UTRN: variants seen among roughly 807,000 people sequenced by gnomAD.
UTRN encodes the protein utrophin.
A neutral mutation model predicts 463.9 loss-of-function variants in UTRN; 283 were observed. That is an observed-to-expected ratio of 0.61 (90% CI 0.55 to 0.67). The LOEUF is 0.67. Ranked by LOEUF, UTRN falls within the 30% of genes least tolerant of loss-of-function variation. UTRN has a pLI of 0.00. For synonymous variants in UTRN, 1,442 were observed against 1,431.5 expected (o/e 1.01, Z -0.17); for missense variants, 3,922 against 4,084.3 (o/e 0.96, Z 1.08).
At chr6:144,406,356 C>CTTTTTTTTTTTTTTT (rs57721924) in intron 3 of UTRN, among the ~76,000 whole-genome samples, 30 of 125,566 alleles carry the variant, frequency 2.4e-4, no homozygotes, top group East Asian at 4.3e-4. Flanking sequence ...TTTTTCTTTT[C>CTTTTTTTTTTTTTTT]TTTTTTTTTT....
At chr6:144,476,011 G>C (rs987309248) in intron 25 of UTRN, among the ~76,000 whole-genome samples, 1 of 151,642 alleles carries the variant, frequency 6.6e-6, no homozygotes, top group Non-Finnish European at 1.5e-5. Context: ...AGGGGATGGA[G>C]GTTGCAGTGA....
intron 37 of UTRN, 129 bp downstream of exon 37, chr6:144,514,949 G>A (rs1006774629): frequency 2.5e-5 from 26 of 1,049,866 alleles, no homozygotes; most frequent in Non-Finnish European, 3.3e-5. Context: ...CTCTGTCACC[G>A]AGGCTGGAGT....
At chr6:144,658,213 G>A (rs919424507) in intron 51 of UTRN, among the ~76,000 whole-genome samples, 6 of 152,120 alleles carry the variant, frequency 3.9e-5, no homozygotes, top group Admixed American at 6.6e-5. Flanking sequence ...AGCTCATAAA[G>A]CCATTTTGCC....
chr6:144,553,932 A>AAG (rs1799155119), intron 48 of UTRN, among the ~76,000 whole-genome samples: 1 of 151,828 alleles, frequency 6.6e-6, no homozygotes. Context: ...AAAAAAAAAA[A>AAG]AAGTTTCCTT....
Position 144,394,652 on chromosome 6 carries a change from C to T in UTRN, c.80-8471C>T, listed in dbSNP as rs139685128. ...TTTCCTACATTAGCTCTATAGAAAA[C>T]ATAGCATTCCTATATATGCATCTGG... On this transcript the variant is annotated intron_variant, in intron 2 of 74. Transcript: ENST00000367545. Among the ~76,000 whole-genome samples the T allele has an allele frequency of 4.6e-5, 7 of 152,248 alleles. No homozygotes were observed. The East Asian group carries it at 5.8e-4, about 13-fold the overall frequency.
intron 3 of UTRN, among the ~76,000 whole-genome samples, chr6:144,414,421 A>G (rs1219099758): frequency 6.6e-6 from 1 of 152,222 alleles, no homozygotes; most frequent in Non-Finnish European, 1.5e-5. Flanking sequence ...GGACAAAATG[A>G]AACAGAATAT....
rs375867302 is a variant in UTRN, at chr6:144,509,013, G to A, written c.4765-1931G>A. Reference sequence around the variant, plus strand: ...CAGTTAATGGGTTCCCTCTCTTTATGCTTCATTTTTGGTATATATCTTATA... The same window carrying A: ...CAGTTAATGGGTTCCCTCTCTTTATACTTCATTTTTGGTATATATCTTATA... On this transcript the variant is annotated intron_variant, in intron 34 of 74. Transcript: ENST00000367545. Among the ~76,000 whole-genome samples the A allele has an allele frequency of 9.9e-5, 15 of 152,006 alleles. No individual in the cohort carries two copies. The East Asian group carries it at 2.9e-3, about 29-fold the overall frequency.
chr6:144,399,539 A>G (rs531247231), intron 2 of UTRN, among the ~76,000 whole-genome samples: 1 of 152,324 alleles, frequency 6.6e-6, no homozygotes, highest in East Asian at 1.9e-4. Flanking sequence ...CTAAAGGTCT[A>G]GGTGCTACTT....
At chr6:144,747,529 G>A (rs1790895021) in intron 54 of UTRN, among the ~76,000 whole-genome samples, 1 of 152,104 alleles carries the variant, frequency 6.6e-6, no homozygotes, top group Non-Finnish European at 1.5e-5. Flanking sequence ...CCTCTGGACT[G>A]TTCCAGCCCA....
At chr6:144,790,072 T>C (rs1437791735) in intron 62 of UTRN, among the ~76,000 whole-genome samples, 1 of 152,142 alleles carries the variant, frequency 6.6e-6, no homozygotes, top group Non-Finnish European at 1.5e-5. Flanking sequence ...GCAAATTTTC[T>C]TCAACTGAAA....
rs1447949690 is a variant in UTRN at position 144,352,448 on chromosome 6, GA to G, written c.80-50674del. ...AAATTTCATAGTGATGGTATTTAAA[GA>G]GGGAGGTTATGGACATTTTGCAAGT... On this transcript the variant is annotated intron_variant, in intron 2 of 74. Transcript: ENST00000367545. 4.6e-5 allele frequency among the ~76,000 whole-genome samples: 7 copies of G among 152,296 alleles called. No homozygotes were observed. The East Asian group carries it at 1.2e-3, about 25-fold the overall frequency.
At chr6:144,338,621 TA>T (rs1776912046) in intron 2 of UTRN, among the ~76,000 whole-genome samples, 1 of 152,124 alleles carries the variant, frequency 6.6e-6, no homozygotes, top group African/African-American at 2.4e-5. Flanking sequence ...TGCAGGTTAA[TA>T]GAAAGATCAC....
intron 33 of UTRN, among the ~76,000 whole-genome samples, chr6:144,497,314 T>C (rs1793746291): frequency 6.6e-6 from 1 of 151,820 alleles, no homozygotes; most frequent in South Asian, 2.1e-4. Flanking sequence ...GGAGGAGAGA[T>C]GAAGGATGAC....
Position 144,458,804 on chromosome 6 carries a change from G to A in UTRN, c.2319G>A (p.Leu773=). 1 of 1,606,798 alleles carries A rather than the reference G, an allele frequency of 6.2e-7. No homozygotes were observed. Among genetic ancestry groups the A allele is most frequent in the Non-Finnish European group, 8.5e-7 (1 of 1,178,262 alleles). The part of the protein sequence containing the change: ...GLPTEEIKNV[L]EKVSSEWKNV... ...CTACTGAAGAAATAAAAAATGTTCT[G>A]GAGAAGGTTTCATCAGAATGGAAGA... The change falls in exon 20 of 75, where the codon CTG becomes CTA. Residue 773 remains leucine (L), a synonymous_variant. Transcript: ENST00000367545.
intron 2 of UTRN, among the ~76,000 whole-genome samples, chr6:144,343,854 A>T (rs1777339491): frequency 6.6e-6 from 1 of 152,116 alleles, no homozygotes; most frequent in Non-Finnish European, 1.5e-5. Context: ...TTATCTACGC[A>T]GTGGGTAGGG....
At chr6:144,559,532 CT>C (rs1799676833) in intron 50 of UTRN, among the ~76,000 whole-genome samples, 2 of 151,922 alleles carry the variant, frequency 1.3e-5, no homozygotes, top group African/African-American at 2.4e-5. Context: ...CTTTCTTTGC[CT>C]TCTTAAAGCT....
intron 19 of UTRN, among the ~76,000 whole-genome samples, chr6:144,454,520 T>C (rs1788633780): frequency 1.3e-5 from 2 of 152,284 alleles, no homozygotes; most frequent in South Asian, 4.1e-4. Context: ...GGTCTAATAA[T>C]GGTAAGCACT....
chr6:144,342,094 T>C (rs1584354147), intron 2 of UTRN, among the ~76,000 whole-genome samples: 1 of 152,266 alleles, frequency 6.6e-6, no homozygotes, highest in East Asian at 1.9e-4. Flanking sequence ...AAAAGATGGG[T>C]TTCGATAGCC....
At chr6:144,428,958 T>A in intron 8 of UTRN, 65 bp downstream of exon 8, 1 of 1,051,306 alleles carries the variant, frequency 9.5e-7, no homozygotes. Flanking sequence ...TGAAAAGCAG[T>A]GTTTCTTTGT....
Sources: allele counts gnomAD v4.1 joint callset (sites outside exome capture counted in the v4.1 genomes callset), GRCh38; gene constraint gnomAD v4.1.1; transcripts MANE v1.5; gene names NCBI Gene and HGNC (gene_info 2026-07-23, HGNC 2026-07-21).